Variants in ANO10 observed in about 807,000 individuals in gnomAD.
The protein encoded by ANO10 is anoctamin 10.
A neutral mutation model predicts 74.7 loss-of-function variants in ANO10; 77 were observed. That is an observed-to-expected ratio of 1.03 (90% CI 0.86 to 1.25). The LOEUF (loss-of-function observed/expected upper bound fraction) is 1.25. ANO10 is among the 50% of genes most tolerant of loss of function. The pLI, the probability that ANO10 is intolerant of heterozygous loss-of-function variation, is 0.00. For synonymous variants in ANO10, 279 were observed against 284.9 expected, an observed-to-expected ratio of 0.98 and a Z score of 0.21; for missense variants, 721 against 778.1, an observed-to-expected ratio of 0.93 and a Z score of 0.87.
At chr3:43,562,261 G>A (rs1461703079) in intron 8 of ANO10, among the ~76,000 whole-genome samples, 1 of 151,738 alleles carries the variant, frequency 6.6e-6, no homozygotes, top group Non-Finnish European at 1.5e-5. Context: ...GACCATCCTG[G>A]CTAACACGGT....
At chr3:43,482,842 TGGGCAGGGTACA>T (rs1044071087) in intron 11 of ANO10, among the ~76,000 whole-genome samples, 15 of 152,192 alleles carry the variant, frequency 9.9e-5, no homozygotes, top group East Asian at 3.9e-4. Flanking sequence ...TGCTCACCAC[TGGGCAGGGTACA>T]GGGCAGGGTA....
At position 43,534,679 on chromosome 3, in the gene ANO10, A is replaced by G. The variant is rs192591406; in HGVS notation, c.1797+15041T>C. Among the ~76,000 whole-genome samples, 908 of 152,322 alleles carry G rather than the reference A, an allele frequency of 6.0e-3. 25 individuals are homozygous for G. Among genetic ancestry groups the G allele is most frequent in the Admixed American group, 0.049 (754 of 15,306 alleles). Reference sequence around the variant, plus strand: ...TCCTGCACCCCGACCCACTGTCCCAATGTCCACCTGGAAACAGACAGTAAG... The same window carrying G: ...TCCTGCACCCCGACCCACTGTCCCAGTGTCCACCTGGAAACAGACAGTAAG... On this transcript the variant is annotated intron_variant, in intron 11 of 12. Coordinates refer to ENST00000292246, the MANE Select transcript of ANO10 (RefSeq NM_018075.5).
chr3:43,392,854 T>C (rs1003481455), intron 12 of ANO10, among the ~76,000 whole-genome samples: 6 of 152,216 alleles, frequency 3.9e-5, no homozygotes, highest in Non-Finnish European at 7.3e-5. Context: ...CATTGGCTCC[T>C]GGCCCTATTC....
At chr3:43,485,158 C>A in intron 11 of ANO10, 1 of 747,788 alleles carries the variant, frequency 1.3e-6, no homozygotes, top group Non-Finnish European at 2.4e-6. Flanking sequence ...TGGGCCCTGG[C>A]GCGGTAGCAC....
chr3:43,572,660 G>T (rs2080794351), intron 7 of ANO10, among the ~76,000 whole-genome samples: 1 of 152,160 alleles, frequency 6.6e-6, no homozygotes. Context: ...ATCTCTTCCA[G>T]GAGTTCCCTG....
rs148850548 is a variant in ANO10 at position 43,413,878 on chromosome 3, G to A, written c.1914+18733C>T. Among the ~76,000 whole-genome samples the A allele has an allele frequency of 4.7e-3, 720 of 151,788 alleles. 5 individuals carry two copies. The highest frequency in any genetic ancestry group is 0.017 in the African/African-American group (692 of 41,346). On this transcript the variant is annotated intron_variant, in intron 12 of 12. Coordinates refer to ENST00000292246, the MANE Select transcript of ANO10 (RefSeq NM_018075.5). ...CTCACAGGCCCCACCACAGTCAGCTGCACTAGAAGGGCTCTCTCAGGTCCA... is the reference window on the plus strand; with the variant it reads ...CTCACAGGCCCCACCACAGTCAGCTACACTAGAAGGGCTCTCTCAGGTCCA...
At position 43,600,489 on chromosome 3, in the gene ANO10, T is replaced by C. The variant is rs2082291546; in HGVS notation, c.232A>G (p.Arg78Gly). The C allele has an allele frequency of 6.2e-7, 1 of 1,614,158 alleles. No homozygotes were observed. Among genetic ancestry groups the C allele is most frequent in the African/African-American group, 1.3e-5 (1 of 75,070 alleles). ...ACTGCTTCTGCCCCTAGTAACATTCTAATCTTGGAGGCACCAACAAGATAT... is the reference window on the plus strand; with the variant it reads ...ACTGCTTCTGCCCCTAGTAACATTCCAATCTTGGAGGCACCAACAAGATAT... ...NLYLVGASKI[R>G]MLLGAEAVGL... Residue 78 changes from arginine (R) to glycine (G), a missense_variant, in exon 3 of 13, where the codon AGA becomes GGA. By Grantham distance (125) the Arg-to-Gly change is moderately radical (BLOSUM62 -2). Transcript: ENST00000292246.
intron 11 of ANO10, among the ~76,000 whole-genome samples, chr3:43,464,917 A>C (rs1456024556): frequency 1.3e-5 from 2 of 152,206 alleles, no homozygotes; most frequent in Non-Finnish European, 2.9e-5. Flanking sequence ...TAAAAACTTA[A>C]TTGCTTTTTC....
At chr3:43,393,804 C>G (rs940110716) in intron 12 of ANO10, among the ~76,000 whole-genome samples, 5 of 152,134 alleles carry the variant, frequency 3.3e-5, no homozygotes, top group Non-Finnish European at 5.9e-5. Flanking sequence ...ATGAAGGTTC[C>G]CCTTTCCAAT....
At chr3:43,405,590 A>C (rs747383953) in intron 12 of ANO10, among the ~76,000 whole-genome samples, 2 of 152,050 alleles carry the variant, frequency 1.3e-5, no homozygotes, top group Non-Finnish European at 2.9e-5. Flanking sequence ...GGCTCAAGCG[A>C]TCCTCCCACC....
chr3:43,537,611 C>CCACACA (rs3223349), intron 11 of ANO10, among the ~76,000 whole-genome samples: 4,149 of 140,008 alleles, frequency 0.03, 107 homozygotes, highest in African/African-American at 0.06. Flanking sequence ...ACTTTATAAA[C>CCACACA]CACACACACA....
intron 1 of ANO10, among the ~76,000 whole-genome samples, chr3:43,656,499 CG>C (rs1281180309): frequency 6.6e-6 from 1 of 152,152 alleles, no homozygotes; most frequent in Non-Finnish European, 1.5e-5. Context: ...CGGGGAGGCT[CG>C]GGCCGCACAG....
chr3:43,649,930 G>A (rs558487346), intron 1 of ANO10, among the ~76,000 whole-genome samples: 2 of 152,346 alleles, frequency 1.3e-5, no homozygotes, highest in South Asian at 4.1e-4. Context: ...GTGTCCAGGG[G>A]TCGGAGGCTG....
intron 1 of ANO10, among the ~76,000 whole-genome samples, chr3:43,618,587 TA>T (rs1425256637): frequency 6.6e-6 from 1 of 152,160 alleles, no homozygotes; most frequent in African/African-American, 2.4e-5. Flanking sequence ...TCACACTTGG[TA>T]AAGAGTAAAG....
At chr3:43,431,076 TC>T (rs1335193434) in intron 12 of ANO10, among the ~76,000 whole-genome samples, 18 of 148,950 alleles carry the variant, frequency 1.2e-4, no homozygotes, top group Middle Eastern at 3.4e-3. Context: ...AATTTTCTTT[TC>T]TTTTTTTTTT....
chr3:43,400,606 T>A (rs2092463299), intron 12 of ANO10, among the ~76,000 whole-genome samples: 1 of 151,894 alleles, frequency 6.6e-6, no homozygotes, highest in Non-Finnish European at 1.5e-5. Flanking sequence ...AAACTCTGTC[T>A]CTAAAAAACA....
chr3:43,664,530 T>C (rs1321503861), intron 1 of ANO10, among the ~76,000 whole-genome samples: 2 of 152,036 alleles, frequency 1.3e-5, no homozygotes, highest in African/African-American at 4.8e-5. Context: ...AATTGACAAA[T>C]GGGATCTAAT....
intron 1 of ANO10, among the ~76,000 whole-genome samples, chr3:43,633,793 G>A: frequency 6.6e-6 from 1 of 151,908 alleles, no homozygotes; most frequent in East Asian, 1.9e-4. Context: ...AGTCAGCATG[G>A]GCTTCATATT....
Position 43,517,972 on chromosome 3 carries a change from C to T in ANO10, c.1797+31748G>A, listed in dbSNP as rs117035952. Among the ~76,000 whole-genome samples the T allele has an allele frequency of 4.9e-3, 752 of 152,288 alleles. 40 individuals carry two copies. In the East Asian group the frequency reaches 0.12, roughly 23 times the overall value. The stretch of plus-strand genomic sequence containing the variant: ...AGTCTGCAGATCACACTTTGTCCAG[C>T]ACCAGTTTACAGTCTTTCTGTGATT... On this transcript the variant is annotated intron_variant, in intron 11 of 12. Transcript: ENST00000292246.
Sources: allele counts gnomAD v4.1 joint callset (sites outside exome capture counted in the v4.1 genomes callset), GRCh38; gene constraint gnomAD v4.1.1; transcripts MANE v1.5; gene names NCBI Gene and HGNC (gene_info 2026-07-23, HGNC 2026-07-21).